The following AGTPBP1 variants were observed in gnomAD, a reference collection of about 807,000 sequenced individuals.
The protein encoded by AGTPBP1 is cytosolic carboxypeptidase 1.
A neutral mutation model predicts 143.9 loss-of-function variants in AGTPBP1; 70 were observed. The ratio of observed to expected loss-of-function variants is 0.49; its 90% CI spans 0.40 to 0.59. AGTPBP1 has a LOEUF of 0.59. AGTPBP1 is among the 20% of genes least tolerant of loss of function. AGTPBP1 has a pLI of 0.00. For synonymous variants in AGTPBP1, 463 were observed against 500.2 expected, an observed-to-expected ratio of 0.93 and a Z score of 0.99; for missense variants, 1,229 against 1,464.5, an observed-to-expected ratio of 0.84 and a Z score of 2.62.
intron 17 of AGTPBP1, among the ~76,000 whole-genome samples, chr9:85,603,137 A>G (rs1340785997): frequency 6.6e-6 from 1 of 152,162 alleles, no homozygotes; most frequent in African/African-American, 2.4e-5. Context: ...GCTCAGAGCC[A>G]GTGAATGTGG....
At chr9:85,685,394 A>G (rs1835429451) in intron 3 of AGTPBP1, among the ~76,000 whole-genome samples, 1 of 152,080 alleles carries the variant, frequency 6.6e-6, no homozygotes, top group Non-Finnish European at 1.5e-5. Context: ...CATAACATTC[A>G]GGAAAATGAA....
the AGTPBP1 span, among the ~76,000 whole-genome samples, chr9:85,769,874 C>A: frequency 6.6e-6 from 1 of 152,172 alleles, no homozygotes; most frequent in Non-Finnish European, 1.5e-5. Flanking sequence ...CTTTAGGGGT[C>A]ATGGAGGAGA....
intron 6 of AGTPBP1, 47 bp from the exon 7 acceptor site, chr9:85,672,728 TTTAA>T: frequency 7.0e-7 from 1 of 1,435,822 alleles, no homozygotes; most frequent in Non-Finnish European, 9.4e-7. Context: ...AACTTTTCTT[TTTAA>T]TTTTTTTTTT....
rs552216825 is a variant in AGTPBP1 at position 85,706,392 on chromosome 9, T to C, written c.32+6110A>G. 5.3e-5 allele frequency among the ~76,000 whole-genome samples: 8 copies of C among 150,818 alleles called. No homozygotes were observed. The South Asian group carries it at 6.3e-4, about 12-fold the overall frequency. On this transcript the variant is annotated intron_variant, in intron 2 of 25. Transcript: ENST00000357081. ...CAGGCATCGTGGCAGGCACCTGTAA[T>C]CCCAGCTACTCAGGAAGCTGAGGCA...
At chr9:85,742,191 G>A (rs1824387444), upstream of AGTPBP1, among the ~76,000 whole-genome samples, 1 of 152,096 alleles carries the variant, frequency 6.6e-6, no homozygotes. Context: ...ACGGGAGCGG[G>A]AATTAGGGGC....
the AGTPBP1 span, among the ~76,000 whole-genome samples, chr9:85,767,625 C>T: frequency 2.6e-5 from 4 of 151,992 alleles, no homozygotes; most frequent in Admixed American, 2.6e-4. Context: ...GGATTACAGG[C>T]GTAAGCCACC....
In AGTPBP1 at chr9:85,547,168, G is replaced by A. The variant is rs758178425; in HGVS notation, c.3622C>T (p.Pro1208Ser). 7.4e-6 allele frequency: 12 copies of A among 1,613,060 alleles called. No homozygotes were observed. The highest frequency in any genetic ancestry group is 2.7e-5 in the African/African-American group (2 of 74,812). Residue 1208 changes from proline (P) to serine (S), a missense_variant, in exon 26 of 26, where the codon CCT (proline) becomes TCT (serine). Pro to Ser is a moderately conservative substitution (Grantham distance 74). Transcript: ENST00000357081. ...GAAAGTACTTCTTCTTGAGCAGAAG[G>A]TTCATAATCTCCTACATTTTCAGCC... ...ELAENVGDYE[P>S]SAQEEVLSDS...
intron 25 of AGTPBP1, among the ~76,000 whole-genome samples, chr9:85,552,934 G>C (rs976448772): frequency 2.0e-5 from 3 of 152,202 alleles, no homozygotes; most frequent in Non-Finnish European, 4.4e-5. Flanking sequence ...TTGGTGAATT[G>C]CTGATTGTGT....
At chr9:85,751,535 C>A in the AGTPBP1 span, among the ~76,000 whole-genome samples, 9 of 152,242 alleles carry the variant, frequency 5.9e-5, no homozygotes, top group Admixed American at 2.0e-4. Flanking sequence ...TGACTCATGG[C>A]GTCCTTCCTG....
chr9:85,565,947 A>G (rs557370679), intron 25 of AGTPBP1, among the ~76,000 whole-genome samples: 31 of 152,322 alleles, frequency 2.0e-4, no homozygotes, highest in African/African-American at 6.7e-4. Flanking sequence ...CCAAATGACT[A>G]AAGGATAAAG....
chr9:85,580,255 A>ACTCT (rs1220643020), intron 23 of AGTPBP1, among the ~76,000 whole-genome samples: 4 of 149,926 alleles, frequency 2.7e-5, no homozygotes, highest in Non-Finnish European at 4.4e-5. Context: ...AAAAAAAAGA[A>ACTCT]CTCTCTCTAT....
chr9:85,679,494 G>A (rs1054285791), intron 4 of AGTPBP1, among the ~76,000 whole-genome samples: 1 of 151,826 alleles, frequency 6.6e-6, no homozygotes, highest in Admixed American at 6.6e-5. Flanking sequence ...TGCAAGCTCC[G>A]CCTCCCGGGT....
Position 85,741,915 on chromosome 9 carries a change from GGCGGCAGCT to G in AGTPBP1, c.-183_-175del, listed in dbSNP as rs1205084699. 7.5e-7 allele frequency: 1 copy of G among 1,326,232 alleles called. No individual in the cohort carries two copies. The highest frequency in any genetic ancestry group is 1.5e-5 in the African/African-American group (1 of 64,878). The allele number at this position is 1,326,232 out of a possible 1,614,324, so 82.2% of individuals were successfully genotyped here. ...TGGCAGGCGAGGCGGAGGCGGCGGC[GGCGGCAGCT>G]GCGGCGGCGGCGCTGGAGGCGGCGG... On this transcript the variant is annotated 5_prime_UTR_variant, in exon 1 of 26. Transcript: ENST00000357081.
At chr9:85,583,080 C>T (rs1050802167) in intron 23 of AGTPBP1, among the ~76,000 whole-genome samples, 2 of 152,058 alleles carry the variant, frequency 1.3e-5, no homozygotes, top group Non-Finnish European at 2.9e-5. Context: ...AGATTTGATT[C>T]CTGGCTGAAA....
intron 2 of AGTPBP1, among the ~76,000 whole-genome samples, chr9:85,705,717 G>C (rs1020896342): frequency 6.6e-6 from 1 of 152,068 alleles, no homozygotes; most frequent in Non-Finnish European, 1.5e-5. Flanking sequence ...TTGAGACGGA[G>C]TCTCGCTCTG....
At chr9:85,778,460 C>T in the AGTPBP1 span, among the ~76,000 whole-genome samples, 1 of 152,220 alleles carries the variant, frequency 6.6e-6, no homozygotes, top group Admixed American at 6.5e-5. Flanking sequence ...CTGCCACTGA[C>T]ACCTCAAGCA....
chr9:85,720,079 AT>A (rs1837999995), intron 1 of AGTPBP1, among the ~76,000 whole-genome samples: 2 of 152,054 alleles, frequency 1.3e-5, no homozygotes, highest in African/African-American at 4.8e-5. Flanking sequence ...TTTATTGAGG[AT>A]TTTTGCATCG....
intron 14 of AGTPBP1, among the ~76,000 whole-genome samples, chr9:85,624,065 T>G (rs1349285268): frequency 6.6e-6 from 1 of 152,168 alleles, no homozygotes; most frequent in Admixed American, 6.5e-5. Flanking sequence ...CCAGCAAAAT[T>G]GTACTTTGTT....
At chr9:85,591,025 T>C (rs1308417139) in intron 19 of AGTPBP1, among the ~76,000 whole-genome samples, 1 of 152,168 alleles carries the variant, frequency 6.6e-6, no homozygotes, top group Non-Finnish European at 1.5e-5. Context: ...ACATTAAATC[T>C]TTCATGCATT....
Sources: gnomAD v4.1 joint callset for allele counts (sites outside exome capture counted in the v4.1 genomes callset) on GRCh38, gnomAD v4.1.1 for gene constraint, MANE v1.5 for transcripts, NCBI Gene and HGNC (gene_info 2026-07-23, HGNC 2026-07-21) for gene names.